PMFBP1: variants seen among roughly 807,000 people sequenced by gnomAD.
PMFBP1 encodes polyamine modulated factor 1 binding protein 1.
Under a neutral mutation model 137.8 loss-of-function variants are expected in PMFBP1, and 131 were observed. That is an observed-to-expected ratio of 0.95 (90% CI 0.82 to 1.10). PMFBP1 has a LOEUF of 1.10. Among genes scored for constraint, PMFBP1 ranks in the 50% least tolerant of loss-of-function variants. The probability of loss-of-function intolerance (pLI) is 0.00; values close to 1 mark genes in which losing one functional copy is unlikely to be tolerated. For synonymous variants in PMFBP1, 490 were observed against 450.4 expected, an observed-to-expected ratio of 1.09 and a Z score of -1.11; for missense variants, 1,199 against 1,175.4, an observed-to-expected ratio of 1.02 and a Z score of -0.29.
the PMFBP1 span, among the ~76,000 whole-genome samples, chr16:72,227,299 C>T: frequency 1.3e-5 from 2 of 152,166 alleles, no homozygotes; most frequent in Admixed American, 6.5e-5. Flanking sequence ...AGAGCTGATC[C>T]TTCCTCTTGA....
At chr16:72,134,870 T>G (rs2042600254) in intron 9 of PMFBP1, among the ~76,000 whole-genome samples, 1 of 152,196 alleles carries the variant, frequency 6.6e-6, no homozygotes, top group Non-Finnish European at 1.5e-5. Context: ...GTGTCTGATG[T>G]GGGTATATCA....
At chr16:72,243,584 C>G in the PMFBP1 span, among the ~76,000 whole-genome samples, 1 of 152,152 alleles carries the variant, frequency 6.6e-6, no homozygotes, top group African/African-American at 2.4e-5. Flanking sequence ...AGAAAATGTA[C>G]CCCTCTTTTT....
chr16:72,202,109 G>A, the PMFBP1 span, among the ~76,000 whole-genome samples: 1 of 152,204 alleles, frequency 6.6e-6, no homozygotes, highest in African/African-American at 2.4e-5. Flanking sequence ...CACAAAAGGT[G>A]CTGAGTAGAA....
intron 19 of PMFBP1, 114 bp downstream of exon 19, chr16:72,122,800 A>G: frequency 1.1e-6 from 1 of 939,922 alleles, no homozygotes; most frequent in East Asian, 2.5e-5. Flanking sequence ...TTTCCAAAGC[A>G]CCAGGCCTTT....
At chr16:72,135,709 T>G (rs1449357683) in intron 9 of PMFBP1, among the ~76,000 whole-genome samples, 3 of 151,456 alleles carry the variant, frequency 2.0e-5, no homozygotes, top group Non-Finnish European at 4.4e-5. Context: ...ACTGCCTATT[T>G]ACATATTCAT....
upstream of PMFBP1, chr16:72,176,821 A>T (rs1477356876): frequency 6.6e-6 from 1 of 152,220 alleles, no homozygotes; most frequent in African/African-American, 2.4e-5. Flanking sequence ...CAGTTCACTC[A>T]CCGTTTCTAG....
the PMFBP1 span, among the ~76,000 whole-genome samples, chr16:72,199,285 G>C: frequency 0.16 from 6,369 of 40,434 alleles, 402 homozygotes; most frequent in African/African-American, 0.45. Context: ...AAGAAGACCT[G>C]CTTGAAGAGC....
chr16:72,118,627 T>A (rs536233331), downstream of PMFBP1, among the ~76,000 whole-genome samples: 20 of 152,348 alleles, frequency 1.3e-4, no homozygotes, highest in South Asian at 4.1e-3. Flanking sequence ...TGTACTCAGT[T>A]TAACAAAATC....
the PMFBP1 span, among the ~76,000 whole-genome samples, chr16:72,186,929 A>G: frequency 3.9e-5 from 6 of 152,114 alleles, no homozygotes; most frequent in Non-Finnish European, 8.8e-5. Context: ...CCTGGCCAAC[A>G]TGGCAAAACC....
intron 5 of PMFBP1, 47 bp from the exon 6 acceptor site, chr16:72,140,629 G>A (rs750839431): frequency 2.0e-6 from 3 of 1,517,048 alleles, no homozygotes; most frequent in East Asian, 2.3e-5. Context: ...TAGTTTGTGA[G>A]TTACTTCAGA....
chr16:72,228,802 G>C, the PMFBP1 span, among the ~76,000 whole-genome samples: 1 of 149,124 alleles, frequency 6.7e-6, no homozygotes, highest in Non-Finnish European at 1.5e-5. Flanking sequence ...CTACAGATGA[G>C]TACAATATTT....
rs761914200 is a variant in PMFBP1 at position 72,136,797 on chromosome 16, TG to T, written c.940del (p.Gln314ArgfsTer16). ...CACATGCAGGCACTGGCTGTCTTTC[TG>T]CTCCTGCAAGTGCTTCAGTATCTGG... is the stretch of plus-strand genomic sequence containing the variant. ...IKKILKHLQE[Q>X]KDSQCLHVEE... On this transcript the variant is annotated frameshift_variant, in exon 8 of 21. Coordinates refer to ENST00000237353, the MANE Select transcript of PMFBP1 (RefSeq NM_031293.3). LOFTEE classifies it high-confidence loss of function. 9 of 1,614,198 alleles carry T rather than the reference TG, an allele frequency of 5.6e-6. No individual in the cohort carries two copies. Among genetic ancestry groups the T allele is most frequent in the Non-Finnish European group, 7.6e-6 (9 of 1,180,046 alleles).
chr16:72,166,140 T>C (rs746429524), intron 2 of PMFBP1, among the ~76,000 whole-genome samples: 2 of 152,204 alleles, frequency 1.3e-5, no homozygotes, highest in African/African-American at 2.4e-5. Flanking sequence ...GGTCAGTACA[T>C]GGTTTGGCTC....
the PMFBP1 span, among the ~76,000 whole-genome samples, chr16:72,220,842 T>C: frequency 6.6e-6 from 1 of 152,168 alleles, no homozygotes. Context: ...CCTCGAGTTG[T>C]TTCTTCCAGT....
the PMFBP1 span, among the ~76,000 whole-genome samples, chr16:72,187,124 A>ATT: frequency 6.6e-6 from 1 of 151,708 alleles, no homozygotes. Context: ...AAAAAAAAAA[A>ATT]AATAAATAAA....
chr16:72,164,255 T>C (rs2043109525), intron 3 of PMFBP1: 4 of 472,552 alleles, frequency 8.5e-6, no homozygotes, highest in African/African-American at 4.0e-5. Context: ...GCATTAACTC[T>C]TGAGAACCTG....
At chr16:72,225,563 ACT>A in the PMFBP1 span, among the ~76,000 whole-genome samples, 1 of 151,492 alleles carries the variant, frequency 6.6e-6, no homozygotes, top group South Asian at 2.1e-4. Flanking sequence ...AAAACAAAAA[ACT>A]AGCCAGGTGT....
chr16:72,137,805 G>A (rs2042655890), intron 7 of PMFBP1, among the ~76,000 whole-genome samples: 1 of 152,120 alleles, frequency 6.6e-6, no homozygotes, highest in African/African-American at 2.4e-5. Context: ...GGGGATATTG[G>A]GGAGAGTTAT....
chr16:72,181,242 A>T (rs144136353), upstream of PMFBP1, among the ~76,000 whole-genome samples: 5,644 of 150,472 alleles, frequency 0.038, 327 homozygotes, highest in African/African-American at 0.13. Flanking sequence ...CATCTCAAAA[A>T]AAAAAAAATA....
Sources: allele counts gnomAD v4.1 joint callset (sites outside exome capture counted in the v4.1 genomes callset), GRCh38; gene constraint gnomAD v4.1.1; transcripts MANE v1.5; gene names NCBI Gene and HGNC (gene_info 2026-07-23, HGNC 2026-07-21).